PIK3CB: variants seen among roughly 807,000 people sequenced by gnomAD.
PIK3CB encodes phosphatidylinositol-4,5-bisphosphate 3-kinase catalytic subunit beta.
A neutral mutation model predicts 136.8 loss-of-function variants in PIK3CB; 39 were observed. That is an observed-to-expected ratio of 0.29 (90% CI 0.22 to 0.37). The LOEUF is 0.37. PIK3CB is among the 10% of genes least tolerant of loss of function. The probability of loss-of-function intolerance (pLI) is 1.00; values close to 1 mark genes in which losing one functional copy is unlikely to be tolerated. For synonymous variants in PIK3CB, 428 were observed against 436.6 expected (o/e 0.98, Z 0.25); for missense variants, 868 against 1,275.4 (o/e 0.68, Z 4.87).
intron 14 of PIK3CB, among the ~76,000 whole-genome samples, chr3:138,691,768 T>C (rs2044013791): frequency 8.0e-6 from 1 of 125,130 alleles, no homozygotes; most frequent in Non-Finnish European, 1.8e-5. Context: ...CTACAGATTG[T>C]TAAAATTCAT....
At position 138,733,113 on chromosome 3, in the gene PIK3CB, TACTGGAAAAATA is replaced by T. The variant is rs565530239; in HGVS notation, c.1050+236_1050+247del. 3.5e-3 allele frequency among the ~76,000 whole-genome samples: 536 copies of T among 151,186 alleles called. 2 individuals carry two copies. The highest frequency in any genetic ancestry group is 5.4e-3 in the Non-Finnish European group (369 of 67,784). On this transcript the variant is annotated intron_variant, in intron 8 of 23. Coordinates refer to ENST00000674063, the MANE Select transcript of PIK3CB (RefSeq NM_006219.3). ...ATATATAGAAGAAATATGTAATATA[TACTGGAAAAATA>T]ATGTCAATCTTTCCAGTAGATCTCT...
intron 4 of PIK3CB, among the ~76,000 whole-genome samples, chr3:138,746,078 C>G (rs1014056607): frequency 6.6e-6 from 1 of 151,992 alleles, no homozygotes; most frequent in East Asian, 1.9e-4. Flanking sequence ...GAGACCTCAT[C>G]TCTATAAAAA....
chr3:138,778,033 T>C (rs181771190), intron 2 of PIK3CB: 24 of 381,718 alleles, frequency 6.3e-5, no homozygotes, highest in Non-Finnish European at 1.2e-4. Flanking sequence ...TTGTCATCAA[T>C]GAAAATACCA....
intron 3 of PIK3CB, among the ~76,000 whole-genome samples, chr3:138,758,305 T>C (rs1219078868): frequency 6.6e-6 from 1 of 152,204 alleles, no homozygotes; most frequent in African/African-American, 2.4e-5. Flanking sequence ...GATGGTTAAG[T>C]GCTGGAAATG....
At chr3:138,776,922 C>CAA (rs11435742) in intron 2 of PIK3CB, among the ~76,000 whole-genome samples, 1,838 of 57,128 alleles carry the variant, frequency 0.032, 134 homozygotes, top group African/African-American at 0.073. Flanking sequence ...GACTCTACCT[C>CAA]AAAAAAAAAA....
rs888064606 is a variant in PIK3CB at position 138,653,479 on chromosome 3, A to G, written c.*1910T>C. 2 of 178,836 alleles carry G rather than the reference A, an allele frequency of 1.1e-5. No homozygotes were observed. Among genetic ancestry groups the G allele is most frequent in the Non-Finnish European group, 2.4e-5 (2 of 83,416 alleles). 11.1% of individuals were successfully genotyped at this position (178,836 alleles called of 1,614,324 possible). On this transcript the variant is annotated 3_prime_UTR_variant, in exon 24 of 24. Coordinates refer to ENST00000674063, the MANE Select transcript of PIK3CB (RefSeq NM_006219.3). ...CTTTTGGCTGAGGAGACCCCTCTGG[A>G]AAGAATGGTATCCATTTCTTCCTGG... is the stretch of plus-strand genomic sequence containing the variant.
chr3:138,737,987 A>T, intron 5 of PIK3CB, 101 bp from the exon 6 acceptor site: 5 of 622,632 alleles, frequency 8.0e-6, no homozygotes, highest in Non-Finnish European at 1.3e-5. Context: ...AATGTACATA[A>T]TATTTATATG....
chr3:138,795,315 C>CT (rs557360199), intron 2 of PIK3CB, among the ~76,000 whole-genome samples: 51 of 116,626 alleles, frequency 4.4e-4, no homozygotes, highest in African/African-American at 1.7e-3. Flanking sequence ...GCATGAGACT[C>CT]TGTCTTTTAA....
At chr3:138,799,106 C>T (rs1037638819) in intron 1 of PIK3CB, among the ~76,000 whole-genome samples, 5 of 151,862 alleles carry the variant, frequency 3.3e-5, no homozygotes, top group Admixed American at 1.3e-4. Flanking sequence ...CCTATAATCC[C>T]AGCTACTCGG....
At chr3:138,778,751 T>C in intron 2 of PIK3CB, 1 of 273,044 alleles carries the variant, frequency 3.7e-6, no homozygotes, top group Non-Finnish European at 7.3e-6. Context: ...CATTTCCTGG[T>C]ATGACAATGA....
intron 20 of PIK3CB, among the ~76,000 whole-genome samples, chr3:138,664,281 C>T (rs148462509): frequency 5.1e-4 from 77 of 152,022 alleles, no homozygotes; most frequent in Middle Eastern, 6.8e-3. Flanking sequence ...AGCTGTGTTT[C>T]GGTGGGGCTG....
At chr3:138,787,351 G>A (rs184779602) in intron 2 of PIK3CB, among the ~76,000 whole-genome samples, 1 of 140,986 alleles carries the variant, frequency 7.1e-6, no homozygotes, top group East Asian at 2.0e-4. Context: ...GGGCGACAGA[G>A]CAAGACTCCG....
At chr3:138,761,145 A>G (rs1236976029) in intron 2 of PIK3CB, among the ~76,000 whole-genome samples, 1 of 152,198 alleles carries the variant, frequency 6.6e-6, no homozygotes, top group Non-Finnish European at 1.5e-5. Flanking sequence ...CATTACTAAA[A>G]GTGGGACTAT....
intron 2 of PIK3CB, among the ~76,000 whole-genome samples, chr3:138,779,696 A>ATT (rs3071142): frequency 0.49 from 71,233 of 144,942 alleles, 19,269 homozygotes; most frequent in East Asian, 0.97. Context: ...ACCTGGCCAA[A>ATT]TTTTTTTTTT....
At chr3:138,800,264 T>C (rs893051522) in intron 1 of PIK3CB, among the ~76,000 whole-genome samples, 1 of 152,164 alleles carries the variant, frequency 6.6e-6, no homozygotes, top group African/African-American at 2.4e-5. Context: ...CTCACAATTC[T>C]CATTTATTAA....
intron 2 of PIK3CB, among the ~76,000 whole-genome samples, chr3:138,768,429 T>C (rs2045761013): frequency 6.6e-6 from 1 of 152,236 alleles, no homozygotes; most frequent in Non-Finnish European, 1.5e-5. Flanking sequence ...GGGGCTTTTA[T>C]GGGCCTCAGG....
At chr3:138,769,954 C>T (rs1256038504) in intron 2 of PIK3CB, 1 of 152,086 alleles carries the variant, frequency 6.6e-6, no homozygotes, top group Admixed American at 6.6e-5. Flanking sequence ...AGAGTCAGAC[C>T]CAAAAGTCAG....
At chr3:138,736,924 A>G (rs1045537479) in intron 6 of PIK3CB, among the ~76,000 whole-genome samples, 4 of 152,194 alleles carry the variant, frequency 2.6e-5, no homozygotes, top group East Asian at 1.9e-4. Flanking sequence ...ATAATCACAA[A>G]TAAGTTTTTA....
chr3:138,705,181 C>CAAAAAAAAAAAAAAAAAAAAA (rs1277322816), intron 11 of PIK3CB, among the ~76,000 whole-genome samples: 1 of 58,528 alleles, frequency 1.7e-5, no homozygotes, highest in Non-Finnish European at 2.9e-5. Context: ...AAACAAAAAA[C>CAAAAAAAAAAAAAAAAAAAAA]AAAACAAACA....
Sources: gnomAD v4.1 joint callset for allele counts (sites outside exome capture counted in the v4.1 genomes callset) on GRCh38, gnomAD v4.1.1 for gene constraint, MANE v1.5 for transcripts, NCBI Gene and HGNC (gene_info 2026-07-23, HGNC 2026-07-21) for gene names.